Variants in PIK3CA observed in about 807,000 individuals in gnomAD.
PIK3CA encodes the protein phosphatidylinositol-4,5-bisphosphate 3-kinase catalytic subunit alpha.
A neutral mutation model predicts 138.2 loss-of-function variants in PIK3CA; 27 were observed. The observed-to-expected ratio is 0.20, with a 90% CI of 0.14 to 0.27. The LOEUF (loss-of-function observed/expected upper bound fraction) is 0.27. Ranked by LOEUF, PIK3CA falls within the 10% of genes least tolerant of loss-of-function variation. The pLI is 1.00. For missense variants in PIK3CA, 544 were observed against 1,277.4 expected, an observed-to-expected ratio of 0.43 and a Z score of 8.75; for synonymous variants, 358 against 413.2, an observed-to-expected ratio of 0.87 and a Z score of 1.62.
intron 1 of PIK3CA, among the ~76,000 whole-genome samples, chr3:179,155,154 A>G (rs535036737): frequency 6.6e-6 from 1 of 152,326 alleles, no homozygotes; most frequent in South Asian, 2.1e-4. Context: ...AATATGTCTT[A>G]TAAGTACAAC....
chr3:179,152,750 G>A (rs1446749937), intron 1 of PIK3CA, among the ~76,000 whole-genome samples: 1 of 152,140 alleles, frequency 6.6e-6, no homozygotes, highest in African/African-American at 2.4e-5. Context: ...CTGACTGTTA[G>A]CACTGCAGGT....
intron 20 of PIK3CA, among the ~76,000 whole-genome samples, chr3:179,233,566 T>C (rs1425054332): frequency 6.6e-6 from 1 of 152,040 alleles, no homozygotes; most frequent in Non-Finnish European, 1.5e-5. Flanking sequence ...GAGCTTTAAA[T>C]AGTTGGACTC....
intron 1 of PIK3CA, among the ~76,000 whole-genome samples, chr3:179,188,661 CCCTT>C (rs1724052029): frequency 6.6e-6 from 1 of 152,058 alleles, no homozygotes; most frequent in African/African-American, 2.4e-5. Flanking sequence ...TGCCTTGACT[CCCTT>C]CCTCCTAGGA....
Position 179,237,711 on chromosome 3 carries a change from A to G in PIK3CA, c.*3347A>G, listed in dbSNP as rs187291447. 2 of 211,520 alleles carry G rather than the reference A, an allele frequency of 9.5e-6. No individual in the cohort carries two copies. The highest frequency in any genetic ancestry group is 1.2e-4 in the Admixed American group (2 of 17,006). The allele number at this position is 211,520 out of a possible 1,614,324, so 13.1% of individuals were successfully genotyped here. ...GGCATCATGGAAATTTCACAGCACA[A>G]TAACACGGATTTGTTTTTTCTTAAT... On this transcript the variant is annotated 3_prime_UTR_variant, in exon 21 of 21. Coordinates refer to ENST00000263967, the MANE Select transcript of PIK3CA (RefSeq NM_006218.4).
At chr3:179,159,273 C>T (rs1723216759) in intron 1 of PIK3CA, among the ~76,000 whole-genome samples, 1 of 152,044 alleles carries the variant, frequency 6.6e-6, no homozygotes, top group South Asian at 2.1e-4. Flanking sequence ...ATTGGATTGC[C>T]CTGGGGCTGA....
In PIK3CA at chr3:179,226,027, G is replaced by A. The variant is rs1463675604; in HGVS notation, c.2482G>A (p.Gly828Ser). Reference protein sequence around the residue: ...RIMENIWQNQGLDLRMLPYGC... With the variant: ...RIMENIWQNQSLDLRMLPYGC... ...TATGGAAAATATCTGGCAAAATCAA[G>A]GTCTTGATCTTCGGTAGGTAACCAG... The change falls in exon 17 of 21, where the codon GGT (glycine) becomes AGT (serine). Residue 828 changes from glycine to serine, a missense_variant. Gly to Ser is a moderately conservative substitution (Grantham distance 56, BLOSUM62 0). Transcript: ENST00000263967. 1 of 1,588,896 alleles carries A rather than the reference G, an allele frequency of 6.3e-7. No individual in the cohort carries two copies. Among genetic ancestry groups the A allele is most frequent in the Non-Finnish European group, 8.6e-7 (1 of 1,158,804 alleles).
chr3:179,148,799 G>C (rs869312615), intron 1 of PIK3CA, among the ~76,000 whole-genome samples, 196 bp downstream of exon 1: 1 of 152,162 alleles, frequency 6.6e-6, no homozygotes, highest in Non-Finnish European at 1.5e-5. Flanking sequence ...CCTAGCTGCA[G>C]AGGCGAGGGC....
At chr3:179,211,641 T>G (rs941054487) in intron 9 of PIK3CA, among the ~76,000 whole-genome samples, 10 of 152,176 alleles carry the variant, frequency 6.6e-5, no homozygotes, top group Non-Finnish European at 1.3e-4. Context: ...CACTCCAGCC[T>G]GGGCAACAGA....
intron 1 of PIK3CA, among the ~76,000 whole-genome samples, chr3:179,148,941 G>T (rs889245437): frequency 6.6e-6 from 1 of 152,162 alleles, no homozygotes; most frequent in African/African-American, 2.4e-5. Context: ...CGGTGGCTCT[G>T]TCTCCCGCGC....
chr3:179,239,207 A>C lies in PIK3CA; in HGVS notation c.*4843A>C, dbSNP rs972834194. The C allele has an allele frequency of 4.9e-6, 1 of 205,346 alleles. No individual in the cohort carries two copies. The highest frequency in any genetic ancestry group is 1.0e-5 in the Non-Finnish European group (1 of 100,374). 12.7% of individuals were successfully genotyped at this position (205,346 alleles called of 1,614,324 possible). On this transcript the variant is annotated 3_prime_UTR_variant, in exon 21 of 21. Coordinates refer to ENST00000263967, the MANE Select transcript of PIK3CA (RefSeq NM_006218.4). ...AAGTACAGAAAAGGTTTTTAAATGT[A>C]TTTTTTTAGCCAGTTAAAGTCTATG...
At chr3:179,221,899 T>C (rs1724977215) in intron 14 of PIK3CA, among the ~76,000 whole-genome samples, 2 of 151,556 alleles carry the variant, frequency 1.3e-5, no homozygotes, top group South Asian at 4.2e-4. Flanking sequence ...GTAGAGACAG[T>C]GTTTCGCTTT....
chr3:179,228,771 T>C (rs1725144212), intron 17 of PIK3CA, among the ~76,000 whole-genome samples: 1 of 152,106 alleles, frequency 6.6e-6, no homozygotes, highest in East Asian at 1.9e-4. Context: ...TTTGTTGCTT[T>C]TAAATGAATT....
At position 179,199,132 on chromosome 3, in the gene PIK3CA, G is replaced by C. The variant is rs2108386237; in HGVS notation, c.307G>C (p.Glu103Gln). 1 of 1,602,382 alleles carries C rather than the reference G, an allele frequency of 6.2e-7. No individual in the cohort carries two copies. Among genetic ancestry groups the C allele is most frequent in the South Asian group, 1.1e-5 (1 of 88,540 alleles). ...TTTTCAACCCTTTTTAAAAGTAATT[G>C]AACCAGTAGGCAACCGTGAAGAAAA... Reference protein sequence around the residue: ...RLFQPFLKVIEPVGNREEKIL... With the variant: ...RLFQPFLKVIQPVGNREEKIL... Residue 103 changes from glutamate (E) to glutamine (Q), a missense_variant, in exon 2 of 21, where the codon GAA becomes CAA. By Grantham distance (29) the Glu-to-Gln change is conservative. Coordinates refer to ENST00000263967, the MANE Select transcript of PIK3CA (RefSeq NM_006218.4).
Position 179,205,866 on chromosome 3 carries a change from A to C in PIK3CA, c.1145+1278A>C, listed in dbSNP as rs1210585096. Among the ~76,000 whole-genome samples, 3 of 152,112 alleles carry C rather than the reference A, an allele frequency of 2.0e-5. No homozygotes were observed. In the East Asian group the frequency reaches 5.8e-4, roughly 29 times the overall value. Reference sequence around the variant, plus strand: ...AGTGACTCCTCCAGAAGTAAATCTCATAATGAATTTAGACTGAGTTCTAAG... The same window carrying C: ...AGTGACTCCTCCAGAAGTAAATCTCCTAATGAATTTAGACTGAGTTCTAAG... On this transcript the variant is annotated intron_variant, in intron 6 of 20. Coordinates refer to ENST00000263967, the MANE Select transcript of PIK3CA (RefSeq NM_006218.4).
intron 1 of PIK3CA, among the ~76,000 whole-genome samples, chr3:179,171,711 G>A (rs1413184574): frequency 6.6e-6 from 1 of 152,020 alleles, no homozygotes; most frequent in Non-Finnish European, 1.5e-5. Flanking sequence ...AATCTAAATA[G>A]ACCTATATAG....
intron 1 of PIK3CA, among the ~76,000 whole-genome samples, chr3:179,155,764 T>C (rs1181939491): frequency 6.6e-6 from 1 of 152,216 alleles, no homozygotes; most frequent in African/African-American, 2.4e-5. Flanking sequence ...GATAACTGTA[T>C]ATAAGAAACA....
chr3:179,202,329 C>T (rs1724436463), intron 4 of PIK3CA, among the ~76,000 whole-genome samples: 1 of 152,202 alleles, frequency 6.6e-6, no homozygotes, highest in South Asian at 2.1e-4. Flanking sequence ...CTTGGCCTCC[C>T]ACAGTGCTGG....
At position 179,230,577 on chromosome 3, in the gene PIK3CA, G is replaced by A. The variant is rs760105983; in HGVS notation, c.2936+201G>A. Among the ~76,000 whole-genome samples, 6 of 152,024 alleles carry A rather than the reference G, an allele frequency of 3.9e-5. No individual in the cohort carries two copies. The highest frequency in any genetic ancestry group is 5.9e-5 in the Non-Finnish European group (4 of 67,986). On this transcript the variant is annotated intron_variant, in intron 20 of 20. Transcript: ENST00000263967. This position sits in a 1 kb window ranked among gnomAD's most constrained non-coding sequence, Gnocchi z 5.4. ...GAAACCAGCCTGGGTAACATAGAGA[G>A]AATTCATGTCTACAAAAAAATTTAA...
In PIK3CA at chr3:179,236,955, C is replaced by T. The variant is rs1027064420; in HGVS notation, c.*2591C>T. On this transcript the variant is annotated 3_prime_UTR_variant, in exon 21 of 21. Transcript: ENST00000263967. Reference sequence around the variant, plus strand: ...CTATCTATAGCTGACTATCCTTGTCCTTGAATATGGTGTAACTGACTATTG... The same window carrying T: ...CTATCTATAGCTGACTATCCTTGTCTTTGAATATGGTGTAACTGACTATTG... 1 of 202,064 alleles carries T rather than the reference C, an allele frequency of 4.9e-6. No individual in the cohort carries two copies. The highest frequency in any genetic ancestry group is 6.0e-5 in the Admixed American group (1 of 16,682). 12.5% of individuals were successfully genotyped at this position (202,064 alleles called of 1,614,324 possible). A position where few individuals can be genotyped will look rare whatever the true frequency, so the allele number is the denominator to read the frequency against.
Sources: gnomAD v4.1 joint callset for allele counts (sites outside exome capture counted in the v4.1 genomes callset) on GRCh38, gnomAD v4.1.1 for gene constraint, Gnocchi (gnomAD v3.1) non-coding constraint, MANE v1.5 for transcripts, NCBI Gene and HGNC (gene_info 2026-07-23, HGNC 2026-07-21) for gene names.